The following PRAG1 variants were observed in gnomAD, a reference collection of about 807,000 sequenced individuals.
PRAG1 encodes inactive tyrosine-protein kinase PRAG1.
PRAG1 carries 110 observed loss-of-function variants against 95.6 expected under a neutral mutation model. That is an observed-to-expected ratio of 1.15 (90% CI 0.99 to 1.35). PRAG1 has a LOEUF of 1.35. PRAG1 is among the 40% of genes most tolerant of loss of function. The pLI is 0.00. For synonymous variants in PRAG1, 1,052 were observed against 819.4 expected (o/e 1.28, Z -4.85); for missense variants, 2,554 against 1,864.7 (o/e 1.37, Z -6.81).
At chr8:8,364,122 T>C (rs1006022441) in intron 3 of PRAG1, among the ~76,000 whole-genome samples, 6 of 152,242 alleles carry the variant, frequency 3.9e-5, no homozygotes, top group Non-Finnish European at 8.8e-5. Context: ...GGGGACAAGA[T>C]GTAGTCTCAT....
rs1206760896 is a variant in PRAG1, at chr8:8,376,457, C to T, written c.1952G>A (p.Ser651Asn). The change falls in exon 3 of 6, where the codon AGT (serine) becomes AAT (asparagine). Residue 651 changes from serine to asparagine, a missense_variant. Physicochemically the swap from Ser to Asn is conservative, Grantham distance 46. Transcript: ENST00000615670. ...TTTGGTCTCTCTTCCCCAGCTGTGA[C>T]TCAGCAATTCCTGCTCCACCTCCTC... ...EEEEVEQELLSHSWGRETKNG... is the reference protein window; with the variant it reads ...EEEEVEQELLNHSWGRETKNG... 6.2e-7 allele frequency: 1 copy of T among 1,614,010 alleles called. No individual in the cohort carries two copies. Among genetic ancestry groups the T allele is most frequent in the African/African-American group, 1.3e-5 (1 of 74,944 alleles).
intron 5 of PRAG1, among the ~76,000 whole-genome samples, chr8:8,321,448 T>C (rs1158879313): frequency 6.6e-6 from 1 of 152,068 alleles, no homozygotes; most frequent in African/African-American, 2.4e-5. Context: ...TTTGCAGCAA[T>C]GGTGGTGGGG....
intron 3 of PRAG1, among the ~76,000 whole-genome samples, chr8:8,344,973 TGTC>T (rs969806847): frequency 3.9e-5 from 6 of 151,944 alleles, no homozygotes. Context: ...AAGTCACTGT[TGTC>T]AAAACTCTCA....
chr8:8,353,825 G>A (rs951931339), intron 3 of PRAG1, among the ~76,000 whole-genome samples: 1 of 151,458 alleles, frequency 6.6e-6, no homozygotes, highest in Non-Finnish European at 1.5e-5. Context: ...AGAAGATGAA[G>A]AAAAAGAAGA....
chr8:8,355,489 T>C lies in PRAG1; in HGVS notation c.2163-15854A>G, dbSNP rs370950641. 2.0e-5 allele frequency among the ~76,000 whole-genome samples: 3 copies of C among 152,184 alleles called. No homozygotes were observed. In the East Asian group the frequency reaches 5.8e-4, roughly 29 times the overall value. On this transcript the variant is annotated intron_variant, in intron 3 of 5. Transcript: ENST00000615670. The stretch of plus-strand genomic sequence containing the variant: ...ATATTGAGAAAGAAAAAAGGAAAGA[T>C]GAATTTGGAGCCTTCATACGTCCCG...
In PRAG1 at chr8:8,318,653, G is replaced by A. The variant is rs1311508022; in HGVS notation, c.3722C>T (p.Pro1241Leu). ...GTACTGGGAAGCAGACACGATCTCG[G>A]GGGCCAGCCGGGCCTGGCTCTTCTT... ...QQKKSQARLA[P>L]EIVSASQYRK... The change falls in exon 6 of 6, where the codon CCC becomes CTC. Residue 1241 changes from proline to leucine, a missense_variant. Physicochemically the swap from Pro to Leu is moderately conservative, Grantham distance 98. Coordinates refer to ENST00000615670, the MANE Select transcript of PRAG1 (RefSeq NM_001080826.3). The surrounding 1 kb of genome is among the most constrained non-coding windows in gnomAD (Gnocchi z 4.2). The A allele has an allele frequency of 1.9e-6, 3 of 1,611,954 alleles. No homozygotes were observed. The highest frequency in any genetic ancestry group is 1.7e-6 in the Non-Finnish European group (2 of 1,179,906).
chr8:8,360,732 G>A (rs1299243019), intron 3 of PRAG1, among the ~76,000 whole-genome samples: 1 of 152,348 alleles, frequency 6.6e-6, no homozygotes, highest in Admixed American at 6.5e-5. Flanking sequence ...CTTAGTCCAA[G>A]AATCTCATAG....
At chr8:8,333,704 G>A (rs1798892924) in intron 4 of PRAG1, among the ~76,000 whole-genome samples, 1 of 152,214 alleles carries the variant, frequency 6.6e-6, no homozygotes, top group African/African-American at 2.4e-5. Flanking sequence ...CTCTTTCTTT[G>A]CACAGCTCTG....
In PRAG1 at chr8:8,328,242, A is replaced by T; in HGVS notation, c.2540T>A (p.Leu847Gln). 1 of 1,614,140 alleles carries T rather than the reference A, an allele frequency of 6.2e-7. No individual in the cohort carries two copies. Among genetic ancestry groups the T allele is most frequent in the Non-Finnish European group, 8.5e-7 (1 of 1,180,034 alleles). The change falls in exon 5 of 6, where the codon CTG becomes CAG. Residue 847 changes from leucine to glutamine, a missense_variant. By Grantham distance (113) the Leu-to-Gln change is moderately radical. Coordinates refer to ENST00000615670, the MANE Select transcript of PRAG1 (RefSeq NM_001080826.3). The part of the protein sequence containing the change: ...SPKPGTASPK[L>Q]NLSHSETNVH... ...GTTGGTTTCCGAGTGGCTTAGGTTC[A>T]GCTTGGGGCTTGCTGTTCCGGGCTT...
chr8:8,377,333 G>C lies in PRAG1; in HGVS notation c.1076C>G (p.Pro359Arg). The C allele has an allele frequency of 6.2e-7, 1 of 1,606,122 alleles. No homozygotes were observed. The highest frequency in any genetic ancestry group is 8.5e-7 in the Non-Finnish European group (1 of 1,177,282). ...GGAGCAGTAATCACTCTCGAGGTGG[G>C]GGACGAAGGGGCTACTGGCGCCGCT... ...SGSGASSPFV[P>R]HLESDYCSLM... The change falls in exon 3 of 6, where the codon CCC (proline) becomes CGC (arginine). Residue 359 changes from proline to arginine, a missense_variant. Pro to Arg is a moderately radical substitution (Grantham distance 103). Coordinates refer to ENST00000615670, the MANE Select transcript of PRAG1 (RefSeq NM_001080826.3).
rs139696793 is a variant in PRAG1, at chr8:8,339,358, T to C, written c.2320+120A>G. ...AGCTCCCTGGAAGAGTCTACTTCAT[T>C]GAGAAAGCAGGACCAAGACAGTAGT... is the stretch of plus-strand genomic sequence containing the variant. On this transcript the variant is annotated intron_variant, in intron 4 of 5. Transcript: ENST00000615670. The C allele has an allele frequency of 2.9e-5, 32 of 1,090,354 alleles. No homozygotes were observed. In the Middle Eastern group the frequency reaches 9.5e-4, roughly 32 times the overall value. 67.5% of individuals were successfully genotyped at this position (1,090,354 alleles called of 1,614,324 possible).
chr8:8,334,257 T>C (rs1798916279), intron 4 of PRAG1, among the ~76,000 whole-genome samples: 1 of 151,986 alleles, frequency 6.6e-6, no homozygotes, highest in Non-Finnish European at 1.5e-5. Flanking sequence ...GCCAACATGG[T>C]GAAACCCTGT....
intron 3 of PRAG1, among the ~76,000 whole-genome samples, chr8:8,340,089 T>C (rs1031812582): frequency 5.3e-5 from 8 of 152,252 alleles, no homozygotes; most frequent in African/African-American, 1.7e-4. Context: ...AAGTGGGATT[T>C]CTTTTTTTAC....
At chr8:8,325,772 G>T (rs1448250632) in intron 5 of PRAG1, among the ~76,000 whole-genome samples, 3 of 152,020 alleles carry the variant, frequency 2.0e-5, no homozygotes, top group Non-Finnish European at 4.4e-5. Context: ...AGCCAGGCGT[G>T]GTGAGGGGGC....
In PRAG1 at chr8:8,328,519, C is replaced by G. The variant is rs1044106900; in HGVS notation, c.2321-58G>C. 3 of 1,547,214 alleles carry G rather than the reference C, an allele frequency of 1.9e-6. No individual in the cohort carries two copies. In the African/African-American group the frequency reaches 4.2e-5, roughly 21 times the overall value. ...GGCCAGTGCCACTCAATTCCAGGGT[C>G]CTGCAGACTTGTTTCCCTTTATTTA... On this transcript the variant is annotated intron_variant, in intron 4 of 5. Transcript: ENST00000615670.
intron 3 of PRAG1, among the ~76,000 whole-genome samples, chr8:8,372,985 G>A (rs542623628): frequency 5.9e-5 from 9 of 152,294 alleles, no homozygotes; most frequent in African/African-American, 9.6e-5. Context: ...CGTAGGTAAC[G>A]CACATAATGA....
At chr8:8,323,493 T>C (rs529906597) in intron 5 of PRAG1, among the ~76,000 whole-genome samples, 12 of 152,200 alleles carry the variant, frequency 7.9e-5, no homozygotes, top group East Asian at 7.7e-4. Flanking sequence ...AATTTTTGTA[T>C]TGTTCATTTT....
At chr8:8,360,767 T>C (rs1462066240) in intron 3 of PRAG1, among the ~76,000 whole-genome samples, 2 of 152,246 alleles carry the variant, frequency 1.3e-5, no homozygotes, top group Non-Finnish European at 2.9e-5. Context: ...TCTTGTTGTA[T>C]GTTAAATGCC....
chr8:8,353,669 G>A (rs1799594198), intron 3 of PRAG1, among the ~76,000 whole-genome samples: 1 of 152,098 alleles, frequency 6.6e-6, no homozygotes, highest in African/African-American at 2.4e-5. Context: ...AAAACCACGT[G>A]TGGCGCTTAT....
Sources: gnomAD v4.1 joint callset for allele counts (sites outside exome capture counted in the v4.1 genomes callset) on GRCh38, gnomAD v4.1.1 for gene constraint, Gnocchi (gnomAD v3.1) non-coding constraint, MANE v1.5 for transcripts, NCBI Gene and HGNC (gene_info 2026-07-23, HGNC 2026-07-21) for gene names.